CPB2: variants seen among roughly 807,000 people sequenced by gnomAD.
CPB2 encodes the protein carboxypeptidase B-like protein.
In CPB2, 54 loss-of-function variants were observed where a neutral mutation model predicts 57.0. The observed-to-expected ratio is 0.95, with a 90% confidence interval of 0.76 to 1.19. CPB2 has a LOEUF of 1.19. Ranked by LOEUF, CPB2 falls within the 50% of genes most tolerant of loss-of-function variation. CPB2 has a pLI of 0.00. For missense variants in CPB2, 426 were observed against 512.0 expected, an observed-to-expected ratio of 0.83 and a Z score of 1.62; for synonymous variants, 189 against 178.1, an observed-to-expected ratio of 1.06 and a Z score of -0.49.
chr13:46,102,548 A>AAC (rs2045447906), intron 1 of CPB2, among the ~76,000 whole-genome samples: 1 of 149,526 alleles, frequency 6.7e-6, no homozygotes. Flanking sequence ...GACAAAAAAA[A>AAC]AAAAAAAAAC....
intron 5 of CPB2, among the ~76,000 whole-genome samples, chr13:46,077,365 C>T (rs929612585): frequency 6.6e-6 from 1 of 152,060 alleles, no homozygotes; most frequent in African/African-American, 2.4e-5. Flanking sequence ...GAATTAAAAC[C>T]ACAATGCAAT....
intron 1 of CPB2, among the ~76,000 whole-genome samples, chr13:46,090,362 C>CTTTTTT (rs11458090): frequency 7.9e-6 from 1 of 125,818 alleles, no homozygotes. Context: ...TTTGTCTATT[C>CTTTTTT]TTTTTTTTTT....
At chr13:46,066,208 T>G (rs1211832872) in intron 7 of CPB2, among the ~76,000 whole-genome samples, 1 of 152,238 alleles carries the variant, frequency 6.6e-6, no homozygotes, top group Non-Finnish European at 1.5e-5. Context: ...AGTAGGTTTT[T>G]CTAAATTTAT....
chr13:46,059,394 AT>A (rs2044740462), intron 8 of CPB2, among the ~76,000 whole-genome samples: 1 of 152,204 alleles, frequency 6.6e-6, no homozygotes, highest in African/African-American at 2.4e-5. Flanking sequence ...CTTGACTACC[AT>A]TTATTAGCTA....
At chr13:46,055,499 T>C (rs2044685186) in intron 10 of CPB2, among the ~76,000 whole-genome samples, 1 of 152,206 alleles carries the variant, frequency 6.6e-6, no homozygotes, top group Non-Finnish European at 1.5e-5. Context: ...ACTAGTATGA[T>C]GCCAATTCTG....
At position 46,104,830 on chromosome 13, in the gene CPB2, C is replaced by G. The variant is rs376646930; in HGVS notation, c.74+106G>C. 8.1e-6 allele frequency: 11 copies of G among 1,365,062 alleles called. 1 individual carries two copies. In the East Asian group the frequency reaches 1.9e-4, roughly 24 times the overall value. The allele number at this position is 1,365,062 out of a possible 1,614,324, so 84.6% of individuals were successfully genotyped here. ...GGAAAGTTCTGAAAGACCTGGCCTTCAAAGTTTACCATTTTGTCCACCAGC... is the reference window on the plus strand; with the variant it reads ...GGAAAGTTCTGAAAGACCTGGCCTTGAAAGTTTACCATTTTGTCCACCAGC... On this transcript the variant is annotated intron_variant, in intron 1 of 10. Transcript: ENST00000181383.
At chr13:46,069,268 C>T (rs2044902288) in intron 6 of CPB2, among the ~76,000 whole-genome samples, 1 of 152,178 alleles carries the variant, frequency 6.6e-6, no homozygotes, top group African/African-American at 2.4e-5. Context: ...CCAAGCCACA[C>T]CTTCAAGTGT....
chr13:46,087,803 G>A lies in CPB2; in HGVS notation c.92C>T (p.Ala31Val). The A allele has an allele frequency of 6.2e-7, 1 of 1,610,140 alleles. No homozygotes were observed. The highest frequency in any genetic ancestry group is 8.5e-7 in the Non-Finnish European group (1 of 1,178,086). The change falls in exon 2 of 11, where the codon GCT becomes GTT. Residue 31 changes from alanine (A) to valine (V), a missense_variant. By Grantham distance (64) the Ala-to-Val change is moderately conservative. Coordinates refer to ENST00000181383, the MANE Select transcript of CPB2 (RefSeq NM_001872.5). ...AACTTGCCTAGAGGTTCTAGGAAGA[G>A]CAGCTAGAACTTGGCCACTGGGGAA... ...FAFQSGQVLA[A>V]LPRTSRQVQV... is the part of the protein sequence containing the mutation.
At chr13:46,094,614 A>G (rs1207381505) in intron 1 of CPB2, among the ~76,000 whole-genome samples, 1 of 152,206 alleles carries the variant, frequency 6.6e-6, no homozygotes. Flanking sequence ...ACCACCAGTA[A>G]CAAGTTGGGC....
intron 8 of CPB2, among the ~76,000 whole-genome samples, chr13:46,062,782 A>C: frequency 6.6e-6 from 1 of 152,192 alleles, no homozygotes; most frequent in African/African-American, 2.4e-5. Flanking sequence ...AAAATAAGGA[A>C]ATAAGGTAAG....
rs1394552049 is a variant in CPB2 at position 46,092,806 on chromosome 13, T to C, written c.75-4986A>G. 2.0e-5 allele frequency among the ~76,000 whole-genome samples: 3 copies of C among 152,232 alleles called. No individual in the cohort carries two copies. In the East Asian group the frequency reaches 5.8e-4, roughly 29 times the overall value. Reference sequence around the variant, plus strand: ...TTCCCTAGAGAAGGTCTTGAATGCATGCTGAGAAATTTGGACTTTATCTTG... The same window carrying C: ...TTCCCTAGAGAAGGTCTTGAATGCACGCTGAGAAATTTGGACTTTATCTTG... On this transcript the variant is annotated intron_variant, in intron 1 of 10. Coordinates refer to ENST00000181383, the MANE Select transcript of CPB2 (RefSeq NM_001872.5).
At chr13:46,071,773 C>T (rs1400186796) in intron 6 of CPB2, among the ~76,000 whole-genome samples, 1 of 152,156 alleles carries the variant, frequency 6.6e-6, no homozygotes, top group Admixed American at 6.5e-5. Flanking sequence ...AAAAGAGCAG[C>T]CCCTCTACTT....
rs2045291472 is a variant in CPB2, at chr13:46,091,463, T to G, written c.75-3643A>C. On this transcript the variant is annotated intron_variant, in intron 1 of 10. Transcript: ENST00000181383. ...ATTTTTAAGAAAAACCTTAAAATAT[T>G]TTACCATTAGAATGCTTGTTGTAGA... Among the ~76,000 whole-genome samples, 4 of 152,232 alleles carry G rather than the reference T, an allele frequency of 2.6e-5. No individual in the cohort carries two copies. In the South Asian group the frequency reaches 8.3e-4, roughly 31 times the overall value.
At chr13:46,078,659 C>A (rs2045059971) in intron 5 of CPB2, 141 bp downstream of exon 5, 1 of 633,902 alleles carries the variant, frequency 1.6e-6, no homozygotes, top group Non-Finnish European at 2.8e-6. Flanking sequence ...CCCTAAATAG[C>A]CAGGTATTAA....
intron 8 of CPB2, 55 bp downstream of exon 8, chr13:46,064,592 GT>G (rs2044824007): frequency 3.6e-6 from 5 of 1,399,580 alleles, no homozygotes; most frequent in Non-Finnish European, 5.1e-6. Flanking sequence ...GCCTTTCCCT[GT>G]GAACATCACC....
At chr13:46,102,540 CAA>C (rs10624204) in intron 1 of CPB2, among the ~76,000 whole-genome samples, 2 of 108,212 alleles carry the variant, frequency 1.8e-5, no homozygotes, top group African/African-American at 6.9e-5. Context: ...ATGATTATGA[CAA>C]AAAAAAAAAA....
intron 1 of CPB2, among the ~76,000 whole-genome samples, chr13:46,103,867 G>A (rs1395486329): frequency 6.6e-6 from 1 of 152,130 alleles, no homozygotes; most frequent in Non-Finnish European, 1.5e-5. Context: ...AAAATACAGA[G>A]AAAGACATAA....
At chr13:46,096,032 C>T (rs1370770090) in intron 1 of CPB2, among the ~76,000 whole-genome samples, 2 of 151,814 alleles carry the variant, frequency 1.3e-5, no homozygotes, top group African/African-American at 4.8e-5. Context: ...AGGCACGCAC[C>T]ACCACACCTG....
intron 1 of CPB2, among the ~76,000 whole-genome samples, chr13:46,091,215 C>T (rs972878572): frequency 1.3e-5 from 2 of 152,200 alleles, no homozygotes; most frequent in African/African-American, 4.8e-5. Context: ...GGATATTTCT[C>T]TTTGCAAGTA....
Sources: gnomAD v4.1 joint callset for allele counts (sites outside exome capture counted in the v4.1 genomes callset) on GRCh38, gnomAD v4.1.1 for gene constraint, MANE v1.5 for transcripts, NCBI Gene and HGNC (gene_info 2026-07-23, HGNC 2026-07-21) for gene names.